Variants in PATJ observed in about 807,000 individuals in gnomAD.
PATJ encodes inaD-like protein.
A neutral mutation model predicts 224.9 loss-of-function variants in PATJ; 190 were observed. The ratio of observed to expected loss-of-function variants is 0.84; its 90% confidence interval spans 0.75 to 0.95. The LOEUF is 0.95. PATJ is among the 40% of genes least tolerant of loss of function. The pLI is 0.00. For synonymous variants in PATJ, 769 were observed against 820.3 expected, an observed-to-expected ratio of 0.94 and a Z score of 1.07; for missense variants, 2,121 against 2,270.3, an observed-to-expected ratio of 0.93 and a Z score of 1.34.
At chr1:61,884,197 G>A (rs748023862) in intron 21 of PATJ, 40 bp from the exon 22 acceptor site, 5 of 1,513,478 alleles carry the variant, frequency 3.3e-6, no homozygotes, top group Middle Eastern at 1.8e-4. Flanking sequence ...AGGAGAATGA[G>A]TGCCTCTTGT....
intron 30 of PATJ, among the ~76,000 whole-genome samples, chr1:62,041,333 C>T (rs1651437603): frequency 6.6e-6 from 1 of 152,190 alleles, no homozygotes; most frequent in Non-Finnish European, 1.5e-5. Flanking sequence ...TTCCTAATTG[C>T]CTTCAGCTCA....
chr1:61,770,875 A>G (rs938023074), intron 5 of PATJ, among the ~76,000 whole-genome samples: 8 of 150,072 alleles, frequency 5.3e-5, no homozygotes, highest in African/African-American at 2.0e-4. Flanking sequence ...GTGCCATTGT[A>G]CTCCAGCCTG....
intron 1 of PATJ, among the ~76,000 whole-genome samples, chr1:61,745,685 C>T (rs951311926): frequency 2.0e-5 from 3 of 151,608 alleles, no homozygotes; most frequent in African/African-American, 7.3e-5. Flanking sequence ...CTCACTACAA[C>T]CTCTGCCTCC....
intron 17 of PATJ, among the ~76,000 whole-genome samples, chr1:61,835,390 T>TTTTG (rs944420561): frequency 2.0e-5 from 3 of 151,860 alleles, no homozygotes; most frequent in Non-Finnish European, 2.9e-5. Flanking sequence ...GGCCTGACCT[T>TTTTG]TTTGTTTGTT....
At chr1:62,157,442 A>C (rs550155167) in intron 43 of PATJ, among the ~76,000 whole-genome samples, 2 of 148,898 alleles carry the variant, frequency 1.3e-5, no homozygotes, top group East Asian at 3.9e-4. Flanking sequence ...GATCACTGGC[A>C]CTTTGGGCGT....
intron 27 of PATJ, among the ~76,000 whole-genome samples, chr1:61,931,685 G>A (rs1676049177): frequency 6.6e-6 from 1 of 152,196 alleles, no homozygotes; most frequent in African/African-American, 2.4e-5. Context: ...GATAGCTTGA[G>A]CCTGTGAGGT....
intron 37 of PATJ, chr1:62,117,476 T>G: frequency 4.1e-6 from 5 of 1,206,544 alleles, no homozygotes; most frequent in Non-Finnish European, 5.3e-6. Context: ...CTATATTGCC[T>G]ATGCACGCAT....
rs1237716646 is a variant in PATJ, at chr1:61,990,181, AAGATATGC to A, written c.3689_3696del (p.Tyr1230SerfsTer9). The A allele has an allele frequency of 6.3e-7, 1 of 1,599,310 alleles. No individual in the cohort carries two copies. The highest frequency in any genetic ancestry group is 2.2e-5 in the East Asian group (1 of 44,666). ...TTCTTTTAATAGAAAAAATCAGACA[AAGATATGC>A]AGATCTGCCTGGAGAACTGCACATT... On this transcript the variant is annotated frameshift_variant, in exon 28 of 44. Transcript: ENST00000642238. LOFTEE classifies it high-confidence loss of function.
intron 26 of PATJ, among the ~76,000 whole-genome samples, chr1:61,918,691 G>A (rs1184735419): frequency 1.3e-5 from 2 of 152,040 alleles, no homozygotes; most frequent in African/African-American, 4.8e-5. Flanking sequence ...GGCCAGGCCT[G>A]GTGGCTCACT....
chr1:62,076,232 CAAAAACA>C (rs1303631690), intron 31 of PATJ, among the ~76,000 whole-genome samples: 1 of 151,824 alleles, frequency 6.6e-6, no homozygotes, highest in Non-Finnish European at 1.5e-5. Context: ...CAATTAAAAA[CAAAAACA>C]AAAAACAAAA....
chr1:61,747,378 G>A (rs1208437973), intron 1 of PATJ, among the ~76,000 whole-genome samples: 1 of 140,612 alleles, frequency 7.1e-6, no homozygotes, highest in Non-Finnish European at 1.6e-5. Flanking sequence ...AGCCAGTAAA[G>A]TTTGGAGACA....
chr1:61,904,476 T>G (rs1396091069), intron 24 of PATJ, among the ~76,000 whole-genome samples: 7 of 152,376 alleles, frequency 4.6e-5, no homozygotes, highest in African/African-American at 1.7e-4. Context: ...TGTGTGTGTG[T>G]TTGTAGCTCT....
rs958453805 is a variant in PATJ at position 61,829,059 on chromosome 1, G to C, written c.1980+1476G>C. Among the ~76,000 whole-genome samples, 38 of 152,298 alleles carry C rather than the reference G, an allele frequency of 2.5e-4. 1 individual carries two copies. The highest frequency in any genetic ancestry group is 5.2e-4 in the Admixed American group (8 of 15,296). On this transcript the variant is annotated intron_variant, in intron 16 of 43. Transcript: ENST00000642238. ...CAGTAACAGTCGGCTATGGCTGTTT[G>C]AGTCTCTGCCAGTCCATCCGTTTTT...
At chr1:61,760,619 CTTT>C (rs200693394) in intron 1 of PATJ, among the ~76,000 whole-genome samples, 3 of 135,450 alleles carry the variant, frequency 2.2e-5, no homozygotes, top group Non-Finnish European at 1.6e-5. Context: ...TTTTCTTTTT[CTTT>C]TTTTTTTTTT....
At chr1:61,927,876 T>G in intron 27 of PATJ, 47 bp downstream of exon 27, 1 of 1,305,298 alleles carries the variant, frequency 7.7e-7, no homozygotes, top group South Asian at 1.3e-5. Flanking sequence ...CTTATTAAAT[T>G]ATGTTTTAAC....
chr1:62,002,727 A>AG lies in PATJ; in HGVS notation c.3867+12363_3867+12364insG, dbSNP rs1251877501. ...TCTGTCTCAAAAAAAAAAAAAAAAAAAAAAAAAGAGAGAGAGAAACTGGAG... is the reference window on the plus strand; with the variant it reads ...TCTGTCTCAAAAAAAAAAAAAAAAAAGAAAAAAAGAGAGAGAGAAACTGGAG... On this transcript the variant is annotated intron_variant, in intron 28 of 43. Coordinates refer to ENST00000642238, the MANE Select transcript of PATJ (RefSeq NM_001350145.3). 9.2e-3 allele frequency among the ~76,000 whole-genome samples: 1,159 copies of AG among 125,434 alleles called. 9 individuals carry two copies. The highest frequency in any genetic ancestry group is 0.035 in the African/African-American group (1,088 of 31,384). The allele number at this position is 125,434 out of a possible 152,430, so 82.3% of individuals were successfully genotyped here. A position where few individuals can be genotyped will look rare whatever the true frequency, so the allele number is the denominator to read the frequency against.
intron 19 of PATJ, among the ~76,000 whole-genome samples, chr1:61,863,562 T>C (rs1361655956): frequency 6.6e-6 from 1 of 152,196 alleles, no homozygotes; most frequent in East Asian, 1.9e-4. Context: ...TGCCAGGTTT[T>C]AGCCAGGAAC....
At chr1:62,130,161 C>T (rs184767110) in intron 41 of PATJ, among the ~76,000 whole-genome samples, 5 of 151,690 alleles carry the variant, frequency 3.3e-5, no homozygotes, top group East Asian at 2.0e-4. Flanking sequence ...AGCAAGATCC[C>T]GTCTCTACAA....
chr1:61,884,563 G>T (rs1668566530), intron 22 of PATJ, among the ~76,000 whole-genome samples, 155 bp downstream of exon 22: 1 of 147,024 alleles, frequency 6.8e-6, no homozygotes, highest in Non-Finnish European at 1.5e-5. Flanking sequence ...ATTACTATGA[G>T]AATTTCATAT....
Sources: gnomAD v4.1 joint callset for allele counts (sites outside exome capture counted in the v4.1 genomes callset) on GRCh38, gnomAD v4.1.1 for gene constraint, MANE v1.5 for transcripts, NCBI Gene and HGNC (gene_info 2026-07-23, HGNC 2026-07-21) for gene names.